Variants in GTF2F2 observed in about 807,000 individuals in gnomAD.
GTF2F2 encodes the protein general transcription factor IIF subunit 2, also known as ATP-dependent helicase GTF2F2.
GTF2F2 carries 23 observed loss-of-function variants against 42.2 expected under a neutral mutation model. The observed-to-expected ratio is 0.55, with a 90% CI of 0.39 to 0.77. The LOEUF is 0.77. Ranked by LOEUF, GTF2F2 falls within the 30% of genes least tolerant of loss-of-function variation. The pLI, the probability that GTF2F2 is intolerant of heterozygous loss-of-function variation, is 0.00. For missense variants in GTF2F2, 261 were observed against 287.2 expected (o/e 0.91, Z 0.66); for synonymous variants, 105 against 100.8 (o/e 1.04, Z -0.25).
At chr13:45,215,005 C>G (rs1873831061) in intron 5 of GTF2F2, among the ~76,000 whole-genome samples, 1 of 152,068 alleles carries the variant, frequency 6.6e-6, no homozygotes, top group Non-Finnish European at 1.5e-5. Flanking sequence ...AACCCTTTTC[C>G]TATAGAAACA....
chr13:45,207,546 C>G (rs1358321104), intron 5 of GTF2F2, 41 bp downstream of exon 5: 1 of 1,207,538 alleles, frequency 8.3e-7, no homozygotes, highest in South Asian at 1.2e-5. Flanking sequence ...TGATATTTCC[C>G]TTTGGGGATT....
chr13:45,151,696 A>T lies in GTF2F2; in HGVS notation c.169A>T (p.Thr57Ser), dbSNP rs995532690. Residue 57 changes from threonine to serine, a missense_variant, in exon 4 of 8, where the codon ACT (threonine) becomes TCT (serine). Transcript: ENST00000340473. ...KTQGRTEVSFTLNEDLANIHD... is the reference protein window; with the variant it reads ...KTQGRTEVSFSLNEDLANIHD... ...TTAATGTGTCTATTAGGTGTCATTT[A>T]CTTTGAATGAGGATCTTGCAAATAT... 6.2e-7 allele frequency: 1 copy of T among 1,603,842 alleles called. No homozygotes were observed. The highest frequency in any genetic ancestry group is 1.3e-5 in the African/African-American group (1 of 74,688).
At chr13:45,232,074 T>C (rs895276874) in intron 5 of GTF2F2, among the ~76,000 whole-genome samples, 4 of 152,246 alleles carry the variant, frequency 2.6e-5, no homozygotes, top group Admixed American at 6.5e-5. Flanking sequence ...TTGGCACTTA[T>C]CACATAGTCA....
intron 4 of GTF2F2, among the ~76,000 whole-genome samples, chr13:45,184,257 G>C (rs1330820750): frequency 6.6e-6 from 1 of 152,104 alleles, no homozygotes; most frequent in African/African-American, 2.4e-5. Flanking sequence ...GCAGGAAAGA[G>C]GTAGATAGGG....
In GTF2F2 at chr13:45,238,611, T is replaced by C. The variant is rs546558507; in HGVS notation, c.387-14260T>C. Among the ~76,000 whole-genome samples, 15 of 151,632 alleles carry C rather than the reference T, an allele frequency of 9.9e-5. No homozygotes were observed. The South Asian group carries it at 3.1e-3, about 32-fold the overall frequency. On this transcript the variant is annotated intron_variant, in intron 5 of 7. Transcript: ENST00000340473. The stretch of plus-strand genomic sequence containing the variant: ...CGAGATGAAAAGCAGTTTACTTTCA[T>C]AAAGTAGCATGACACATCATGCCTG...
intron 7 of GTF2F2, among the ~76,000 whole-genome samples, chr13:45,268,075 C>T (rs1025034019): frequency 6.6e-5 from 10 of 151,974 alleles, no homozygotes; most frequent in African/African-American, 2.4e-4. Flanking sequence ...AATTCAAATT[C>T]TTTTTCTAGT....
intron 4 of GTF2F2, among the ~76,000 whole-genome samples, chr13:45,167,200 C>T (rs532365659): frequency 6.6e-6 from 1 of 150,668 alleles, no homozygotes; most frequent in South Asian, 2.1e-4. Context: ...GTAAAAAGCC[C>T]TACAGACACA....
At chr13:45,259,255 C>T (rs866244696) in intron 6 of GTF2F2, among the ~76,000 whole-genome samples, 15 of 152,052 alleles carry the variant, frequency 9.9e-5, no homozygotes, top group Admixed American at 7.2e-4. Context: ...GGTAAAACCC[C>T]GTCTCTACTA....
chr13:45,225,371 A>G (rs547342725), intron 5 of GTF2F2, among the ~76,000 whole-genome samples: 45 of 152,280 alleles, frequency 3.0e-4, no homozygotes, highest in Admixed American at 2.8e-3. Context: ...GTTGAGATAA[A>G]ATGACTAAAT....
chr13:45,171,275 C>T (rs375103039), intron 4 of GTF2F2, among the ~76,000 whole-genome samples: 3 of 151,906 alleles, frequency 2.0e-5, no homozygotes, highest in Non-Finnish European at 4.4e-5. Context: ...GATGGAGTTT[C>T]GCCATGTCGG....
intron 2 of GTF2F2, among the ~76,000 whole-genome samples, chr13:45,143,851 A>G (rs1015684643): frequency 6.6e-6 from 1 of 152,194 alleles, no homozygotes; most frequent in Admixed American, 6.5e-5. Context: ...AGTTGGTAAC[A>G]TTTGGACCAT....
At chr13:45,222,264 G>A (rs903795778) in intron 5 of GTF2F2, among the ~76,000 whole-genome samples, 11 of 152,032 alleles carry the variant, frequency 7.2e-5, no homozygotes, top group Non-Finnish European at 1.6e-4. Flanking sequence ...TTCATTTTAG[G>A]AGATTTATCT....
At chr13:45,191,255 A>ATGGC (rs1260872563) in intron 4 of GTF2F2, among the ~76,000 whole-genome samples, 33 of 136,526 alleles carry the variant, frequency 2.4e-4, no homozygotes, top group African/African-American at 9.2e-4. Flanking sequence ...ATATATATAT[A>ATGGC]GCCATAATCT....
At chr13:45,192,452 A>G (rs530531733) in intron 4 of GTF2F2, among the ~76,000 whole-genome samples, 1 of 152,286 alleles carries the variant, frequency 6.6e-6, no homozygotes, top group East Asian at 1.9e-4. Context: ...ATATATGCTA[A>G]TTTATGTAAC....
intron 4 of GTF2F2, chr13:45,207,005 AACACAC>A (rs10547539): frequency 0.022 from 3,108 of 139,276 alleles, 70 homozygotes; most frequent in East Asian, 0.039. Context: ...CACATACACA[AACACAC>A]ACACACACAC....
intron 5 of GTF2F2, among the ~76,000 whole-genome samples, chr13:45,209,237 C>T (rs1022364374): frequency 5.3e-5 from 8 of 152,160 alleles, no homozygotes; most frequent in Non-Finnish European, 8.8e-5. Context: ...TTTTCTGTTG[C>T]TTTTCTGTGT....
chr13:45,214,297 C>G (rs552305877), intron 5 of GTF2F2, among the ~76,000 whole-genome samples: 1 of 152,270 alleles, frequency 6.6e-6, no homozygotes, highest in South Asian at 2.1e-4. Context: ...TTCTGTCATT[C>G]ATTTAGATAA....
intron 2 of GTF2F2, among the ~76,000 whole-genome samples, chr13:45,139,923 TA>T (rs1227275606): frequency 6.6e-6 from 1 of 152,204 alleles, no homozygotes; most frequent in Non-Finnish European, 1.5e-5. Flanking sequence ...GTCCTTTATA[TA>T]AAATGGCACA....
chr13:45,276,561 C>T (rs918418949), intron 7 of GTF2F2, among the ~76,000 whole-genome samples: 1 of 152,000 alleles, frequency 6.6e-6, no homozygotes. Context: ...CTCAGCTTCC[C>T]AAGTAGCTGG....
Sources: gnomAD v4.1 joint callset for allele counts (sites outside exome capture counted in the v4.1 genomes callset) on GRCh38, gnomAD v4.1.1 for gene constraint, MANE v1.5 for transcripts, NCBI Gene and HGNC (gene_info 2026-07-23, HGNC 2026-07-21) for gene names.